CNTNAP5: variants seen among roughly 807,000 people sequenced by gnomAD.
The protein encoded by CNTNAP5 is contactin associated protein family member 5.
Under a neutral mutation model 150.2 loss-of-function variants are expected in CNTNAP5, and 72 were observed. The observed-to-expected ratio is 0.48, with a 90% CI of 0.40 to 0.58. The LOEUF (loss-of-function observed/expected upper bound fraction) is 0.58. CNTNAP5 is among the 20% of genes least tolerant of loss of function. CNTNAP5 has a pLI of 0.00. For synonymous variants in CNTNAP5, 672 were observed against 619.8 expected (o/e 1.08, Z -1.25); for missense variants, 1,636 against 1,626.2 (o/e 1.01, Z -0.10).
intron 19 of CNTNAP5, among the ~76,000 whole-genome samples, chr2:124,832,086 A>G (rs543255983): frequency 2.0e-5 from 3 of 152,224 alleles, no homozygotes; most frequent in South Asian, 2.1e-4. Flanking sequence ...TTGTAGTTTT[A>G]TGACATTCTA....
chr2:124,490,251 T>C (rs1693986612), intron 7 of CNTNAP5, among the ~76,000 whole-genome samples: 1 of 151,504 alleles, frequency 6.6e-6, no homozygotes, highest in African/African-American at 2.4e-5. Flanking sequence ...GGAGAATTGC[T>C]TGAACCAGGG....
intron 14 of CNTNAP5, among the ~76,000 whole-genome samples, chr2:124,758,145 G>A (rs758922300): frequency 3.9e-5 from 6 of 152,150 alleles, no homozygotes; most frequent in African/African-American, 9.6e-5. Flanking sequence ...CCGGCAGCAT[G>A]AGGATAAAGC....
rs1678892630 is a variant in CNTNAP5, at chr2:124,674,509, C to CTCTTTCTTTCTTTCTCTT, written c.2077+26566_2077+26567insCTTTCTTTCTTTCTTTCT. Among the ~76,000 whole-genome samples, 5 of 115,462 alleles carry CTCTTTCTTTCTTTCTCTT rather than the reference C, an allele frequency of 4.3e-5. No individual in the cohort carries two copies. In the South Asian group the frequency reaches 1.6e-3, roughly 37 times the overall value. 75.7% of individuals were successfully genotyped at this position (115,462 alleles called of 152,430 possible). The stretch of plus-strand genomic sequence containing the variant: ...CCCTCTCTACTTCCTTTCTTTCTTT[C>CTCTTTCTTTCTTTCTCTT]TCTTTCTTTCTTTCTTTCTTTCTTT... On this transcript the variant is annotated intron_variant, in intron 13 of 23. Coordinates refer to ENST00000682447, the MANE Select transcript of CNTNAP5 (RefSeq NM_001367498.1).
chr2:124,658,012 C>T lies in CNTNAP5; in HGVS notation c.2077+10054C>T, dbSNP rs549356965. On this transcript the variant is annotated intron_variant, in intron 13 of 23. Coordinates refer to ENST00000682447, the MANE Select transcript of CNTNAP5 (RefSeq NM_001367498.1). Reference sequence around the variant, plus strand: ...GAATGTGAGCTTCTTGTAAGAGGGGCCTTCTTTGTCTCATTCTTTATTCCC... The same window carrying T: ...GAATGTGAGCTTCTTGTAAGAGGGGTCTTCTTTGTCTCATTCTTTATTCCC... Among the ~76,000 whole-genome samples, 15 of 152,304 alleles carry T rather than the reference C, an allele frequency of 9.8e-5. No individual in the cohort carries two copies. In the South Asian group the frequency reaches 1.0e-3, roughly 11 times the overall value.
chr2:124,685,761 T>TGCGC (rs60811602), intron 13 of CNTNAP5, among the ~76,000 whole-genome samples: 8 of 133,818 alleles, frequency 6.0e-5, no homozygotes, highest in African/African-American at 8.6e-5. Context: ...TGTGTGTGTG[T>TGCGC]GCGCGCGCGT....
chr2:124,125,060 C>G (rs572054664), intron 1 of CNTNAP5, among the ~76,000 whole-genome samples: 1 of 152,246 alleles, frequency 6.6e-6, no homozygotes, highest in African/African-American at 2.4e-5. Context: ...TCACACATAA[C>G]AATATTAACC....
chr2:124,068,021 C>A (rs924753929), intron 1 of CNTNAP5, among the ~76,000 whole-genome samples: 6 of 152,104 alleles, frequency 3.9e-5, no homozygotes, highest in African/African-American at 1.4e-4. Flanking sequence ...ACAAGTGGAG[C>A]AAGGAGGCAG....
intron 1 of CNTNAP5, among the ~76,000 whole-genome samples, chr2:124,098,775 T>C (rs1304091272): frequency 6.6e-6 from 1 of 152,060 alleles, no homozygotes. Flanking sequence ...GCTTGAGAAA[T>C]GGCGTAGAGC....
intron 3 of CNTNAP5, among the ~76,000 whole-genome samples, chr2:124,277,088 C>T (rs1033536390): frequency 1.3e-5 from 2 of 152,266 alleles, no homozygotes; most frequent in East Asian, 1.9e-4. Context: ...TCCCACACCA[C>T]ATGTAAAATA....
In CNTNAP5 at chr2:124,917,044, TGTGA is replaced by T. The variant is rs1678782705; in HGVS notation, c.*2760_*2763del. On this transcript the variant is annotated 3_prime_UTR_variant, in exon 24 of 24. Coordinates refer to ENST00000682447, the MANE Select transcript of CNTNAP5 (RefSeq NM_001367498.1). ...GTAGTTTTATGTAATTGTTCAATTGTGTGAGTGTTTTAATCCTTCTGCAATTATC... is the reference window on the plus strand; with the variant it reads ...GTAGTTTTATGTAATTGTTCAATTGTGTGTTTTAATCCTTCTGCAATTATC... 6.6e-6 allele frequency among the ~76,000 whole-genome samples: 1 copy of T among 152,126 alleles called. No homozygotes were observed. Among genetic ancestry groups the T allele is most frequent in the Non-Finnish European group, 1.5e-5 (1 of 68,000 alleles).
At chr2:124,673,832 A>C (rs926076824) in intron 13 of CNTNAP5, among the ~76,000 whole-genome samples, 3 of 151,834 alleles carry the variant, frequency 2.0e-5, no homozygotes, top group Non-Finnish European at 4.4e-5. Flanking sequence ...TTTCACGATG[A>C]TAAGGTACTC....
At position 124,449,636 on chromosome 2, in the gene CNTNAP5, C is replaced by T. The variant is rs554276843; in HGVS notation, c.918+2699C>T. Reference sequence around the variant, plus strand: ...GAAGTTGGAACTGATTTCTTCAGGGCGTGCACGGATGTCTTGGTGCTTTAT... The same window carrying T: ...GAAGTTGGAACTGATTTCTTCAGGGTGTGCACGGATGTCTTGGTGCTTTAT... On this transcript the variant is annotated intron_variant, in intron 6 of 23. Transcript: ENST00000682447. 7.9e-4 allele frequency among the ~76,000 whole-genome samples: 121 copies of T among 152,218 alleles called. 1 individual carries two copies. Among genetic ancestry groups the T allele is most frequent in the Admixed American group, 2.9e-3 (45 of 15,288 alleles).
chr2:124,815,819 T>G (rs2104663221), intron 19 of CNTNAP5, among the ~76,000 whole-genome samples: 2 of 152,316 alleles, frequency 1.3e-5, no homozygotes, highest in South Asian at 4.1e-4. Context: ...GGTGTATAAC[T>G]GAATAATTTT....
intron 11 of CNTNAP5, among the ~76,000 whole-genome samples, chr2:124,591,242 T>G (rs2421092): frequency 0.84 from 127,590 of 152,016 alleles, 55,591 homozygotes; most frequent in East Asian, 1. Flanking sequence ...TCCTTCACAC[T>G]CCCATCTTCT....
Position 124,742,664 on chromosome 2 carries a change from A to ATG in CNTNAP5, c.2078-4563_2078-4562dup, listed in dbSNP as rs1491024898. 2.0e-5 allele frequency among the ~76,000 whole-genome samples: 3 copies of ATG among 151,888 alleles called. No individual in the cohort carries two copies. The East Asian group carries it at 5.8e-4, about 29-fold the overall frequency. On this transcript the variant is annotated intron_variant, in intron 13 of 23. Coordinates refer to ENST00000682447, the MANE Select transcript of CNTNAP5 (RefSeq NM_001367498.1). ...CACACACACACACATATATATATATATGTAATTTGAGTTTTCCCATACCTT... is the reference window on the plus strand; with the variant it reads ...CACACACACACACATATATATATATATGTGTAATTTGAGTTTTCCCATACCTT...
chr2:124,193,565 A>G (rs1685508057), intron 1 of CNTNAP5, among the ~76,000 whole-genome samples: 1 of 152,186 alleles, frequency 6.6e-6, no homozygotes, highest in African/African-American at 2.4e-5. Context: ...GGGAAGAAAT[A>G]TCCCTGAAGC....
At chr2:124,133,741 G>T (rs1021555255) in intron 1 of CNTNAP5, among the ~76,000 whole-genome samples, 3 of 152,080 alleles carry the variant, frequency 2.0e-5, no homozygotes, top group Non-Finnish European at 2.9e-5. Flanking sequence ...CCCCTGACAT[G>T]GTGACAGATC....
At chr2:124,629,457 G>A (rs532902803) in intron 12 of CNTNAP5, among the ~76,000 whole-genome samples, 2 of 152,304 alleles carry the variant, frequency 1.3e-5, no homozygotes, top group African/African-American at 4.8e-5. Flanking sequence ...GCTCCTGAAT[G>A]ACTCCTGGGT....
At chr2:124,139,422 A>C (rs1684052279) in intron 1 of CNTNAP5, among the ~76,000 whole-genome samples, 1 of 152,170 alleles carries the variant, frequency 6.6e-6, no homozygotes, top group African/African-American at 2.4e-5. Context: ...CCCTAAAGCA[A>C]GTCCGGCCCC....
Sources: allele counts gnomAD v4.1 joint callset (sites outside exome capture counted in the v4.1 genomes callset), GRCh38; gene constraint gnomAD v4.1.1; transcripts MANE v1.5; gene names NCBI Gene and HGNC (gene_info 2026-07-23, HGNC 2026-07-21).